PDE7B: variants seen among roughly 807,000 people sequenced by gnomAD.
PDE7B encodes phosphodiesterase 7B.
PDE7B carries 29 observed loss-of-function variants against 56.2 expected under a neutral mutation model. The ratio of observed to expected loss-of-function variants is 0.52; its 90% CI spans 0.38 to 0.70. The LOEUF is 0.70. PDE7B is among the 30% of genes least tolerant of loss of function. The pLI is 0.00. For synonymous variants in PDE7B, 197 were observed against 196.9 expected, an observed-to-expected ratio of 1.00 and a Z score of 0.00; for missense variants, 490 against 565.0, an observed-to-expected ratio of 0.87 and a Z score of 1.35.
intron 1 of PDE7B, among the ~76,000 whole-genome samples, chr6:135,941,962 C>T (rs1303186559): frequency 6.6e-6 from 1 of 152,118 alleles, no homozygotes; most frequent in Non-Finnish European, 1.5e-5. Context: ...TATATGAAAG[C>T]TTATCTGAAG....
chr6:135,854,921 T>C (rs776788529), intron 1 of PDE7B, among the ~76,000 whole-genome samples: 1 of 152,240 alleles, frequency 6.6e-6, no homozygotes, highest in Non-Finnish European at 1.5e-5. Flanking sequence ...AAAGTTCTTA[T>C]GTGTGGTCAA....
Position 136,098,601 on chromosome 6 carries a change from A to G in PDE7B, c.83-10130A>G, listed in dbSNP as rs571226115. ...CATATAAAAATCATAAAGCCTCACA[A>G]TGCTTCTGAGAGAGGAACCCAAACC... is the stretch of plus-strand genomic sequence containing the variant. On this transcript the variant is annotated intron_variant, in intron 2 of 12. Transcript: ENST00000308191. Among the ~76,000 whole-genome samples the G allele has an allele frequency of 6.2e-4, 95 of 152,256 alleles. No individual in the cohort carries two copies. In the Middle Eastern group the frequency reaches 0.014, roughly 22 times the overall value.
At chr6:135,866,788 C>A (rs1775269090) in intron 1 of PDE7B, among the ~76,000 whole-genome samples, 1 of 152,112 alleles carries the variant, frequency 6.6e-6, no homozygotes, top group Non-Finnish European at 1.5e-5. Context: ...GTGTCGTAAA[C>A]ACATAAAAGA....
intron 2 of PDE7B, among the ~76,000 whole-genome samples, chr6:136,090,527 C>G (rs1390931505): frequency 6.6e-6 from 1 of 152,128 alleles, no homozygotes; most frequent in South Asian, 2.1e-4. Flanking sequence ...TTATTGTGCT[C>G]TTAATGTCAT....
chr6:136,093,008 A>G (rs947118306), intron 2 of PDE7B, among the ~76,000 whole-genome samples: 1 of 152,210 alleles, frequency 6.6e-6, no homozygotes, highest in Non-Finnish European at 1.5e-5. Flanking sequence ...CATGGTGGTA[A>G]TCATTTCACA....
At chr6:136,151,856 C>T (rs1472807144) in intron 6 of PDE7B, among the ~76,000 whole-genome samples, 1 of 151,588 alleles carries the variant, frequency 6.6e-6, no homozygotes, top group East Asian at 1.9e-4. Context: ...GGGAGAATCA[C>T]TTGAACCCGG....
At chr6:136,104,693 G>GTGTT (rs1310883579) in intron 2 of PDE7B, among the ~76,000 whole-genome samples, 1 of 152,192 alleles carries the variant, frequency 6.6e-6, no homozygotes, top group African/African-American at 2.4e-5. Context: ...AATGTCTGGT[G>GTGTT]TGTTTGTATT....
chr6:135,907,860 A>G (rs1776143610), intron 1 of PDE7B, among the ~76,000 whole-genome samples: 2 of 152,168 alleles, frequency 1.3e-5, no homozygotes, highest in South Asian at 4.1e-4. Context: ...GAAGATATTC[A>G]TTCCTCCTAT....
At chr6:136,054,466 T>C (rs1443128906) in intron 2 of PDE7B, among the ~76,000 whole-genome samples, 2 of 152,230 alleles carry the variant, frequency 1.3e-5, no homozygotes, top group African/African-American at 4.8e-5. Flanking sequence ...AGACTTGTAG[T>C]ATAGTTTGAA....
chr6:136,152,946 T>G (rs540759757), intron 6 of PDE7B, among the ~76,000 whole-genome samples: 1 of 152,356 alleles, frequency 6.6e-6, no homozygotes, highest in South Asian at 2.1e-4. Flanking sequence ...AGGAGGAAAC[T>G]GAGGGAACTT....
intron 1 of PDE7B, among the ~76,000 whole-genome samples, chr6:135,888,085 T>C (rs1192475270): frequency 6.6e-6 from 1 of 152,190 alleles, no homozygotes; most frequent in Non-Finnish European, 1.5e-5. Flanking sequence ...AAATTCTTAC[T>C]ACCTGTGAAC....
chr6:136,091,525 G>T (rs946781310), intron 2 of PDE7B, among the ~76,000 whole-genome samples: 7 of 152,144 alleles, frequency 4.6e-5, no homozygotes, highest in Non-Finnish European at 8.8e-5. Flanking sequence ...TTACTATAAA[G>T]TTTCCATGAC....
At chr6:135,892,552 T>G (rs573714337) in intron 1 of PDE7B, among the ~76,000 whole-genome samples, 1 of 152,278 alleles carries the variant, frequency 6.6e-6, no homozygotes, top group South Asian at 2.1e-4. Flanking sequence ...GTTCTAGTCA[T>G]TAAATAATTA....
At chr6:136,108,883 T>A in intron 3 of PDE7B, 69 bp downstream of exon 3, 1 of 1,020,824 alleles carries the variant, frequency 9.8e-7, no homozygotes, top group Non-Finnish European at 1.6e-6. Context: ...AATCCTCATT[T>A]CCCTCTGAAC....
At chr6:136,147,755 A>T (rs1227797113) in intron 4 of PDE7B, among the ~76,000 whole-genome samples, 1 of 152,218 alleles carries the variant, frequency 6.6e-6, no homozygotes, top group East Asian at 1.9e-4. Context: ...AGCCATTTTC[A>T]TTTTTATAAA....
chr6:135,970,789 G>A (rs959944519), intron 2 of PDE7B, among the ~76,000 whole-genome samples: 1 of 152,164 alleles, frequency 6.6e-6, no homozygotes, highest in Non-Finnish European at 1.5e-5. Context: ...GGAAATTAGT[G>A]GTTTGGCCTA....
At chr6:135,997,250 C>CA (rs1263413434) in intron 2 of PDE7B, among the ~76,000 whole-genome samples, 22 of 150,930 alleles carry the variant, frequency 1.5e-4, no homozygotes, top group Non-Finnish European at 3.0e-4. Flanking sequence ...CCTGTCTCAA[C>CA]AAAAAATCCA....
At chr6:136,059,574 G>A (rs1288033925) in intron 2 of PDE7B, among the ~76,000 whole-genome samples, 1 of 152,148 alleles carries the variant, frequency 6.6e-6, no homozygotes, top group Non-Finnish European at 1.5e-5. Context: ...TGGCAAGGAG[G>A]GGTGGTGGCT....
rs1327569905 is a variant in PDE7B, at chr6:135,882,490, A to G, written c.21+30471A>G. Among the ~76,000 whole-genome samples the G allele has an allele frequency of 2.0e-5, 3 of 151,956 alleles. No individual in the cohort carries two copies. The South Asian group carries it at 6.2e-4, about 32-fold the overall frequency. ...GAACATTCTCACTTTCTCCCTTTCC[A>G]TTCATCAATCTTTCTGCCACCTTCC... On this transcript the variant is annotated intron_variant, in intron 1 of 12. Transcript: ENST00000308191.
Sources: gnomAD v4.1 joint callset for allele counts (sites outside exome capture counted in the v4.1 genomes callset) on GRCh38, gnomAD v4.1.1 for gene constraint, MANE v1.5 for transcripts, NCBI Gene and HGNC (gene_info 2026-07-23, HGNC 2026-07-21) for gene names.